The following TBCK variants were observed in gnomAD, a reference collection of about 807,000 sequenced individuals.
TBCK encodes the protein TBC domain-containing protein kinase-like protein.
In TBCK, 99 loss-of-function variants were observed where a neutral mutation model predicts 113.4. The ratio of observed to expected loss-of-function variants is 0.87; its 90% CI spans 0.74 to 1.03. TBCK has a LOEUF of 1.03. Among genes scored for constraint, TBCK ranks in the 50% least tolerant of loss-of-function variants. The probability of loss-of-function intolerance (pLI) is 0.00; values close to 1 mark genes in which losing one functional copy is unlikely to be tolerated. For synonymous variants in TBCK, 369 were observed against 370.8 expected, an observed-to-expected ratio of 1.00 and a Z score of 0.05; for missense variants, 1,045 against 1,061.3, an observed-to-expected ratio of 0.98 and a Z score of 0.21.
At chr4:106,101,637 A>G (rs1199011892) in intron 24 of TBCK, among the ~76,000 whole-genome samples, 2 of 152,218 alleles carry the variant, frequency 1.3e-5, no homozygotes, top group Non-Finnish European at 2.9e-5. Context: ...TGTCTTTGGT[A>G]TAGTTTTAGA....
Position 106,249,106 on chromosome 4 carries a change from A to C in TBCK, c.659-124T>G, listed in dbSNP as rs544757076. The C allele has an allele frequency of 5.4e-6, 3 of 552,002 alleles. No individual in the cohort carries two copies. The South Asian group carries it at 1.1e-4, about 21-fold the overall frequency. The allele number at this position is 552,002 out of a possible 1,614,324, so 34.2% of individuals were successfully genotyped here. A position where few individuals can be genotyped will look rare whatever the true frequency, so the allele number is the denominator to read the frequency against. On this transcript the variant is annotated intron_variant, in intron 7 of 25. Transcript: ENST00000394708. ...AATTTTGAAACTTAAAATACTGAAA[A>C]CTTTATCATTTTGTTAAATTTCTTT...
chr4:106,072,986 T>C (rs1737668860), intron 25 of TBCK, among the ~76,000 whole-genome samples: 1 of 152,230 alleles, frequency 6.6e-6, no homozygotes, highest in Admixed American at 6.5e-5. Context: ...TTATTCTAGT[T>C]AGCCATTCGT....
intron 19 of TBCK, among the ~76,000 whole-genome samples, chr4:106,220,639 C>T (rs1266251239): frequency 6.6e-6 from 1 of 151,958 alleles, no homozygotes; most frequent in African/African-American, 2.4e-5. Flanking sequence ...TCAAGTAATA[C>T]TTTTTCTTGA....
intron 19 of TBCK, among the ~76,000 whole-genome samples, chr4:106,229,467 A>T (rs1758612303): frequency 6.6e-6 from 1 of 152,054 alleles, no homozygotes; most frequent in Non-Finnish European, 1.5e-5. Flanking sequence ...GCATATGAAG[A>T]TCTAATTTCC....
intron 3 of TBCK, among the ~76,000 whole-genome samples, chr4:106,275,941 A>G (rs187638858): frequency 6.6e-6 from 1 of 152,302 alleles, no homozygotes; most frequent in East Asian, 1.9e-4. Flanking sequence ...AAAAATACAA[A>G]GAACCAAAAA....
At chr4:106,282,309 T>G (rs1450294971) in intron 3 of TBCK, among the ~76,000 whole-genome samples, 1 of 151,988 alleles carries the variant, frequency 6.6e-6, no homozygotes, top group African/African-American at 2.4e-5. Flanking sequence ...TCTTAGTCTA[T>G]CTAAAGGTTT....
chr4:106,138,622 T>C (rs1321127867), intron 23 of TBCK, among the ~76,000 whole-genome samples: 1 of 141,378 alleles, frequency 7.1e-6, no homozygotes, highest in African/African-American at 2.5e-5. Flanking sequence ...GTCACTGACT[T>C]ATAAGGCAAA....
intron 3 of TBCK, among the ~76,000 whole-genome samples, chr4:106,289,925 C>T (rs1765514797): frequency 6.6e-6 from 1 of 152,002 alleles, no homozygotes; most frequent in Non-Finnish European, 1.5e-5. Context: ...GAGACTTGTC[C>T]AAGGATGCCT....
In TBCK at chr4:106,242,496, T is replaced by C. The variant is rs1472038220; in HGVS notation, c.1144A>G (p.Thr382Ala). 43 of 1,607,196 alleles carry C rather than the reference T, an allele frequency of 2.7e-5. No homozygotes were observed. Among genetic ancestry groups the C allele is most frequent in the Non-Finnish European group, 3.7e-5 (43 of 1,176,804 alleles). Reference sequence around the variant, plus strand: ...TTTCTTAGCTGGCATAACGACAATGTCACAGTGGTATCATCTAAAAGCGAG... The same window carrying C: ...TTTCTTAGCTGGCATAACGACAATGCCACAGTGGTATCATCTAAAAGCGAG... ...RSSLLDDTTV[T>A]LSLCQLRNRL... The change falls in exon 12 of 26, where the codon ACA (threonine) becomes GCA (alanine). Residue 382 changes from threonine (T) to alanine (A), a missense_variant. Physicochemically the swap from Thr to Ala is moderately conservative, Grantham distance 58 (BLOSUM62 0). Transcript: ENST00000394708.
intron 25 of TBCK, among the ~76,000 whole-genome samples, chr4:106,063,043 T>C (rs1348557040): frequency 6.6e-6 from 1 of 151,998 alleles, no homozygotes; most frequent in African/African-American, 2.4e-5. Context: ...AGTAATCTTT[T>C]ATCACTTAAC....
chr4:106,262,266 T>C lies in TBCK; in HGVS notation c.267-54A>G, dbSNP rs955569939. 6.7e-5 allele frequency: 68 copies of C among 1,012,288 alleles called. 1 individual carries two copies. Among genetic ancestry groups the C allele is most frequent in the Non-Finnish European group, 9.3e-5 (63 of 673,988 alleles). The allele number at this position is 1,012,288 out of a possible 1,614,324, so 62.7% of individuals were successfully genotyped here. A position where few individuals can be genotyped will look rare whatever the true frequency, so the allele number is the denominator to read the frequency against. On this transcript the variant is annotated intron_variant, in intron 3 of 25. Transcript: ENST00000394708. ...AATTACAAAGCAAATAAATAACTTG[T>C]TTTAACAAGTGAAATGTGACCTAGT...
At chr4:106,264,544 T>C (rs1762808097) in intron 3 of TBCK, among the ~76,000 whole-genome samples, 1 of 151,976 alleles carries the variant, frequency 6.6e-6, no homozygotes, top group Non-Finnish European at 1.5e-5. Flanking sequence ...TTTGGGCTTT[T>C]ACTCTGAGAA....
chr4:106,268,810 G>A (rs1763222969), intron 3 of TBCK, among the ~76,000 whole-genome samples: 1 of 152,094 alleles, frequency 6.6e-6, no homozygotes, highest in South Asian at 2.1e-4. Flanking sequence ...AAGAAGAGAT[G>A]TTACTCAAAT....
intron 23 of TBCK, among the ~76,000 whole-genome samples, chr4:106,124,497 C>A (rs900294589): frequency 3.3e-5 from 5 of 152,150 alleles, no homozygotes; most frequent in Non-Finnish European, 7.4e-5. Context: ...CATCCCATTA[C>A]TGGGTATATA....
intron 25 of TBCK, among the ~76,000 whole-genome samples, chr4:106,056,078 G>A (rs1735348672): frequency 6.6e-6 from 1 of 150,506 alleles, no homozygotes; most frequent in African/African-American, 2.4e-5. Context: ...TTGAATTCTA[G>A]TCTGAATCTC....
At chr4:106,189,538 C>T (rs1753426456) in intron 22 of TBCK, among the ~76,000 whole-genome samples, 1 of 151,808 alleles carries the variant, frequency 6.6e-6, no homozygotes, top group East Asian at 1.9e-4. Flanking sequence ...TTTCTCCATC[C>T]CATATCTGGC....
chr4:106,276,971 T>C (rs1764094890), intron 3 of TBCK, among the ~76,000 whole-genome samples: 3 of 152,042 alleles, frequency 2.0e-5, no homozygotes, highest in African/African-American at 7.2e-5. Flanking sequence ...GTATGTAGAA[T>C]ATAGAGAATA....
intron 3 of TBCK, among the ~76,000 whole-genome samples, chr4:106,286,481 C>T (rs1765118993): frequency 6.6e-6 from 1 of 152,086 alleles, no homozygotes; most frequent in Admixed American, 6.6e-5. Context: ...ACTGGCAAAG[C>T]AATATTGATT....
intron 23 of TBCK, among the ~76,000 whole-genome samples, chr4:106,161,089 AC>A (rs1749729835): frequency 6.6e-6 from 1 of 151,988 alleles, no homozygotes. Flanking sequence ...GTGCAGTTTT[AC>A]AAGATGAAAA....
Sources: allele counts gnomAD v4.1 joint callset (sites outside exome capture counted in the v4.1 genomes callset), GRCh38; gene constraint gnomAD v4.1.1; transcripts MANE v1.5; gene names NCBI Gene and HGNC (gene_info 2026-07-23, HGNC 2026-07-21).